The following ZNF804B variants were observed in gnomAD, a reference collection of about 807,000 sequenced individuals.
ZNF804B encodes the protein zinc finger protein 804B, also known as zinc finger 804B.
Under a neutral mutation model 101.4 loss-of-function variants are expected in ZNF804B, and 80 were observed. The ratio of observed to expected loss-of-function variants is 0.79; its 90% CI spans 0.66 to 0.95. The LOEUF (loss-of-function observed/expected upper bound fraction) is 0.95. Ranked by LOEUF, ZNF804B falls within the 40% of genes least tolerant of loss-of-function variation. The probability of loss-of-function intolerance (pLI) is 0.00; values close to 1 mark genes in which losing one functional copy is unlikely to be tolerated. For synonymous variants in ZNF804B, 622 were observed against 558.8 expected (o/e 1.11, Z -1.59); for missense variants, 1,673 against 1,561.9 (o/e 1.07, Z -1.20).
chr7:89,325,976 G>A (rs1179595796), intron 2 of ZNF804B, among the ~76,000 whole-genome samples: 2 of 151,882 alleles, frequency 1.3e-5, no homozygotes, highest in South Asian at 2.1e-4. Context: ...GAGTAGCAGG[G>A]TACGTAGCAA....
intron 1 of ZNF804B, among the ~76,000 whole-genome samples, chr7:88,948,910 T>G (rs1440368943): frequency 6.6e-6 from 1 of 151,966 alleles, no homozygotes; most frequent in African/African-American, 2.4e-5. Context: ...AGTTTTATCT[T>G]AACTTCTCTA....
At chr7:88,939,426 G>A (rs1225708761) in intron 1 of ZNF804B, among the ~76,000 whole-genome samples, 1 of 151,814 alleles carries the variant, frequency 6.6e-6, no homozygotes, top group Non-Finnish European at 1.5e-5. Context: ...CAAATATGGA[G>A]GGCCAACTGT....
chr7:88,805,734 G>A (rs889756459), intron 1 of ZNF804B, among the ~76,000 whole-genome samples: 1 of 152,146 alleles, frequency 6.6e-6, no homozygotes, highest in Non-Finnish European at 1.5e-5. Context: ...AGTGGTATGG[G>A]AAGTATAGGC....
intron 1 of ZNF804B, among the ~76,000 whole-genome samples, chr7:89,011,814 G>C (rs1169835508): frequency 6.6e-6 from 1 of 152,112 alleles, no homozygotes; most frequent in Admixed American, 6.6e-5. Context: ...AGCTTTACTA[G>C]GTGCACAGTG....
intron 1 of ZNF804B, among the ~76,000 whole-genome samples, chr7:89,166,367 A>G (rs1035148717): frequency 6.6e-6 from 1 of 152,182 alleles, no homozygotes; most frequent in African/African-American, 2.4e-5. Context: ...TTTACCAATA[A>G]CAATATATTA....
intron 1 of ZNF804B, among the ~76,000 whole-genome samples, chr7:88,771,800 T>C (rs935552704): frequency 6.6e-6 from 1 of 152,188 alleles, no homozygotes; most frequent in Non-Finnish European, 1.5e-5. Context: ...GATTTAGAAC[T>C]GTTTTGCAAG....
chr7:89,326,370 G>A (rs1584126709), intron 2 of ZNF804B, among the ~76,000 whole-genome samples: 1 of 152,092 alleles, frequency 6.6e-6, no homozygotes, highest in East Asian at 1.9e-4. Flanking sequence ...AAAGGTTTTG[G>A]CCCTTGCTCT....
chr7:88,975,153 C>A (rs549197196), intron 1 of ZNF804B, among the ~76,000 whole-genome samples: 1 of 151,416 alleles, frequency 6.6e-6, no homozygotes, highest in East Asian at 2.0e-4. Context: ...GCATATGTAC[C>A]ACATTTTTCT....
At chr7:89,250,757 T>G (rs1789527052) in intron 2 of ZNF804B, among the ~76,000 whole-genome samples, 2 of 152,216 alleles carry the variant, frequency 1.3e-5, no homozygotes, top group African/African-American at 4.8e-5. Flanking sequence ...TCAAATAGGC[T>G]TCATTCCTAA....
chr7:89,307,838 T>C (rs1325140158), intron 2 of ZNF804B, among the ~76,000 whole-genome samples: 1 of 152,050 alleles, frequency 6.6e-6, no homozygotes, highest in Non-Finnish European at 1.5e-5. Context: ...CCAGTTTATT[T>C]AGGAACACAG....
intron 1 of ZNF804B, among the ~76,000 whole-genome samples, chr7:89,009,959 A>G (rs1365143288): frequency 3.3e-5 from 5 of 152,162 alleles, no homozygotes; most frequent in Non-Finnish European, 5.9e-5. Context: ...TTTTTACTAA[A>G]TCTCATTTTC....
chr7:88,892,698 A>T (rs1792231168), intron 1 of ZNF804B, among the ~76,000 whole-genome samples: 1 of 151,980 alleles, frequency 6.6e-6, no homozygotes, highest in Non-Finnish European at 1.5e-5. Flanking sequence ...TCTCCCTCTC[A>T]TCTCCCTCCA....
intron 2 of ZNF804B, among the ~76,000 whole-genome samples, chr7:89,246,057 A>G (rs928127993): frequency 2.0e-5 from 3 of 152,144 alleles, no homozygotes; most frequent in African/African-American, 7.2e-5. Flanking sequence ...CTGGGTGCAC[A>G]CAAAGTCAGC....
At chr7:89,039,992 A>G (rs1788991584) in intron 1 of ZNF804B, among the ~76,000 whole-genome samples, 1 of 151,842 alleles carries the variant, frequency 6.6e-6, no homozygotes, top group Non-Finnish European at 1.5e-5. Flanking sequence ...GGGTTTTTTG[A>G]TCATCATGGA....
intron 1 of ZNF804B, among the ~76,000 whole-genome samples, chr7:89,051,176 G>A (rs1026285220): frequency 6.6e-6 from 1 of 151,812 alleles, no homozygotes; most frequent in African/African-American, 2.4e-5. Flanking sequence ...AAAGATCCTT[G>A]CCTGTGTGTA....
chr7:89,233,325 G>A, intron 2 of ZNF804B, among the ~76,000 whole-genome samples: 1 of 152,150 alleles, frequency 6.6e-6, no homozygotes, highest in East Asian at 1.9e-4. Context: ...ATTCTATGGG[G>A]AACCAATAAA....
At chr7:89,235,256 C>A (rs1426444912) in intron 2 of ZNF804B, among the ~76,000 whole-genome samples, 1 of 152,126 alleles carries the variant, frequency 6.6e-6, no homozygotes, top group Non-Finnish European at 1.5e-5. Flanking sequence ...ATAGAAATAT[C>A]TGAATCTTAA....
At chr7:89,141,856 A>C (rs1790722611) in intron 1 of ZNF804B, among the ~76,000 whole-genome samples, 1 of 149,966 alleles carries the variant, frequency 6.7e-6, no homozygotes, top group Non-Finnish European at 1.5e-5. Flanking sequence ...AAAGCTCCTG[A>C]AATAATAGAA....
At chr7:88,880,139 A>G (rs1163700712) in intron 1 of ZNF804B, among the ~76,000 whole-genome samples, 5 of 152,310 alleles carry the variant, frequency 3.3e-5, no homozygotes, top group African/African-American at 1.2e-4. Context: ...TCCCAGAGCA[A>G]CTGATATGAA....
Sources: gnomAD v4.1 joint callset for allele counts (sites outside exome capture counted in the v4.1 genomes callset) on GRCh38, gnomAD v4.1.1 for gene constraint, MANE v1.5 for transcripts, NCBI Gene and HGNC (gene_info 2026-07-23, HGNC 2026-07-21) for gene names.